Variants in CHD5 observed in about 807,000 individuals in gnomAD.
The protein encoded by CHD5 is chromodomain helicase DNA binding protein 5.
A neutral mutation model predicts 230.3 loss-of-function variants in CHD5; 69 were observed. The observed-to-expected ratio is 0.30, with a 90% CI of 0.25 to 0.37. The LOEUF (loss-of-function observed/expected upper bound fraction) is 0.37. Ranked by LOEUF, CHD5 falls within the 10% of genes least tolerant of loss-of-function variation. CHD5 has a pLI of 1.00. For synonymous variants in CHD5, 1,064 were observed against 1,065.9 expected, an observed-to-expected ratio of 1.00 and a Z score of 0.03; for missense variants, 1,827 against 2,622.8, an observed-to-expected ratio of 0.70 and a Z score of 6.63.
chr1:6,148,816 G>GGGCGGGGATCGGCTACCGA, intron 9 of CHD5, 38 bp downstream of exon 9: 1 of 1,464,784 alleles, frequency 6.8e-7, no homozygotes, highest in Non-Finnish European at 9.1e-7. Context: ...TCCTGGGGTG[G>GGGCGGGGATCGGCTACCGA]GGCGGGGCGT....
intron 35 of CHD5, 69 bp from the exon 36 acceptor site, chr1:6,111,952 G>C: frequency 1.4e-6 from 2 of 1,479,536 alleles, no homozygotes; most frequent in Non-Finnish European, 1.9e-6. Context: ...GGCTTGGAGA[G>C]CCGCTCCCTC....
chr1:6,169,405 C>G (rs115269851), intron 1 of CHD5, among the ~76,000 whole-genome samples: 2 of 152,218 alleles, frequency 1.3e-5, no homozygotes, highest in Non-Finnish European at 2.9e-5. Flanking sequence ...CGGGCAGGCT[C>G]GGGAAGGGAG....
rs572877670 is a variant in CHD5, at chr1:6,174,392, T to C, written c.79+5553A>G. On this transcript the variant is annotated intron_variant, in intron 1 of 41. Coordinates refer to ENST00000262450, the MANE Select transcript of CHD5 (RefSeq NM_015557.3). The stretch of plus-strand genomic sequence containing the variant: ...GGTGGACGGATAATTGTATAGTGAA[T>C]GGATGGATGGTGGATAGGTGGATGG... Among the ~76,000 whole-genome samples, 9 of 152,316 alleles carry C rather than the reference T, an allele frequency of 5.9e-5. No individual in the cohort carries two copies. The East Asian group carries it at 1.5e-3, about 26-fold the overall frequency.
At position 6,128,001 on chromosome 1, in the gene CHD5, G is replaced by GATGGAGGGCGGGGCTGCGT; in HGVS notation, c.3903+44_3903+45insACGCAGCCCCGCCCTCCAT. Reference sequence around the variant, plus strand: ...GGACACAGTGGGGGGCGGGGCTGCGGATGGAGGGCGGGGCTGCGGATGGAG... The same window carrying GATGGAGGGCGGGGCTGCGT: ...GGACACAGTGGGGGGCGGGGCTGCGGATGGAGGGCGGGGCTGCGTATGGAGGGCGGGGCTGCGGATGGAG... On this transcript the variant is annotated intron_variant, in intron 25 of 41. Transcript: ENST00000262450. This position sits in a 1 kb window ranked among gnomAD's most constrained non-coding sequence, Gnocchi z 7.8. The GATGGAGGGCGGGGCTGCGT allele has an allele frequency of 1.4e-6, 2 of 1,469,068 alleles. No homozygotes were observed. The highest frequency in any genetic ancestry group is 1.8e-6 in the Non-Finnish European group (2 of 1,091,608). The allele number at this position is 1,469,068 out of a possible 1,614,324, so 91.0% of individuals were successfully genotyped here.
Position 6,106,294 on chromosome 1 carries a change from A to G in CHD5, c.5858-7T>C. ...CTCGAGGACGGCTAGATATCTGTCA[A>G]AAAAAGAGGAGAGCCGGGCTTGCCT... On this transcript the variant is annotated splice_polypyrimidine_tract_variant and splice_region_variant and intron_variant, in intron 40 of 41. Coordinates refer to ENST00000262450, the MANE Select transcript of CHD5 (RefSeq NM_015557.3). 6.2e-7 allele frequency: 1 copy of G among 1,612,800 alleles called. No homozygotes were observed. Among genetic ancestry groups the G allele is most frequent in the East Asian group, 2.2e-5 (1 of 44,878 alleles).
intron 31 of CHD5, among the ~76,000 whole-genome samples, chr1:6,122,399 T>C (rs1666486030): frequency 6.6e-6 from 1 of 152,182 alleles, no homozygotes; most frequent in East Asian, 1.9e-4. Context: ...ACATTCAGCG[T>C]CCTTGGCATC....
chr1:6,179,644 G>T (rs1304063701), intron 1 of CHD5, among the ~76,000 whole-genome samples: 2 of 149,604 alleles, frequency 1.3e-5, no homozygotes, highest in Non-Finnish European at 3.0e-5. Flanking sequence ...TGACAGCGCC[G>T]CGCCCCCCAG....
Position 6,111,920 on chromosome 1 carries a change from C to T in CHD5, c.5141-37G>A, listed in dbSNP as rs765887965. Reference sequence around the variant, plus strand: ...GCCAAGGTGAGCAGGGTGAGAAGTGCCCCAGCTCTCACGCACAGGCAGGCT... The same window carrying T: ...GCCAAGGTGAGCAGGGTGAGAAGTGTCCCAGCTCTCACGCACAGGCAGGCT... On this transcript the variant is annotated intron_variant, in intron 35 of 41. Coordinates refer to ENST00000262450, the MANE Select transcript of CHD5 (RefSeq NM_015557.3). 70 of 1,573,870 alleles carry T rather than the reference C, an allele frequency of 4.4e-5. No homozygotes were observed. In the East Asian group the frequency reaches 4.9e-4, roughly 11 times the overall value.
intron 33 of CHD5, among the ~76,000 whole-genome samples, chr1:6,119,600 C>G (rs1457422955): frequency 6.6e-6 from 1 of 152,002 alleles, no homozygotes; most frequent in Non-Finnish European, 1.5e-5. Flanking sequence ...TAACACAAGT[C>G]TCTCAGAAAC....
rs1250073123 is a variant in CHD5 at position 6,126,734 on chromosome 1, G to A, written c.3916C>T (p.Arg1306Trp). 6.2e-6 allele frequency: 10 copies of A among 1,613,182 alleles called. No homozygotes were observed. Among genetic ancestry groups the A allele is most frequent in the South Asian group, 2.2e-5 (2 of 91,064 alleles). The change falls in exon 26 of 42, where the codon CGG becomes TGG. Residue 1306 changes from arginine (R) to tryptophan (W), a missense_variant. Arg to Trp is a moderately radical substitution (Grantham distance 101). This residue lies in a region of CHD5 where 137 missense variants were observed against 272.7 expected (regional missense o/e 0.50). Transcript: ENST00000262450. This position sits in a 1 kb window ranked among gnomAD's most constrained non-coding sequence, Gnocchi z 5.7. ...REEDGVEEVE[R>W]EIIKQEENVD... ...TTCTCCTCCTGCTTGATGATTTCCC[G>A]CTCCACCTCCTCCTGGGGACGCAGC...
At position 6,151,965 on chromosome 1, in the gene CHD5, C is replaced by T. The variant is rs142357181; in HGVS notation, c.870+447G>A. Among the ~76,000 whole-genome samples, 629 of 152,300 alleles carry T rather than the reference C, an allele frequency of 4.1e-3. 3 individuals are homozygous for T. The highest frequency in any genetic ancestry group is 0.015 in the African/African-American group (604 of 41,558). On this transcript the variant is annotated intron_variant, in intron 6 of 41. Transcript: ENST00000262450. The stretch of plus-strand genomic sequence containing the variant: ...AGGACAGGAGGAGGTAACTGGGGCT[C>T]CAGCCAGCCTGATCCTACCCACATA...
chr1:6,140,982 T>TAATAATAATAATAAC (rs1666818324), intron 15 of CHD5, among the ~76,000 whole-genome samples: 1 of 146,108 alleles, frequency 6.8e-6, no homozygotes, highest in Admixed American at 6.8e-5. Flanking sequence ...ATAATAATAA[T>TAATAATAATAATAAC]AATAATAATA....
rs748447607 is a variant in CHD5 at position 6,136,776 on chromosome 1, G to A, written c.2526C>T (p.Ala842=). The part of the protein sequence containing the change: ...DQAILGSIEW[A]CLVVDEAHRL... ...GGTGGGCCTCATCTACCACCAGGCA[G>A]GCCCACTCGATGGAGCCCAGGATGG... Residue 842 remains alanine (A), a synonymous_variant, in exon 16 of 42, where the codon GCC becomes GCT. Transcript: ENST00000262450. The A allele has an allele frequency of 1.9e-6, 3 of 1,613,836 alleles. No individual in the cohort carries two copies. Among genetic ancestry groups the A allele is most frequent in the East Asian group, 4.5e-5 (2 of 44,856 alleles).
At chr1:6,108,872 C>T (rs1254380306) in intron 38 of CHD5, among the ~76,000 whole-genome samples, 4 of 118,068 alleles carry the variant, frequency 3.4e-5, no homozygotes, top group Admixed American at 8.3e-5. Context: ...GGTGGAAGGA[C>T]GGAGGCATGG....
Position 6,105,426 on chromosome 1 carries a change from G to A in CHD5, c.*48C>T, listed in dbSNP as rs994703201. 1.5e-5 allele frequency: 7 copies of A among 470,502 alleles called. No individual in the cohort carries two copies. In the East Asian group the frequency reaches 4.9e-4, roughly 33 times the overall value. The allele number at this position is 470,502 out of a possible 1,614,324, so 29.1% of individuals were successfully genotyped here. A position where few individuals can be genotyped will look rare whatever the true frequency, so the allele number is the denominator to read the frequency against. Reference sequence around the variant, plus strand: ...GTCGGGCAGGTGGCCCGGCAGGCGTGGCTGCAAAACGCAAATCAGTGGGTT... The same window carrying A: ...GTCGGGCAGGTGGCCCGGCAGGCGTAGCTGCAAAACGCAAATCAGTGGGTT... On this transcript the variant is annotated splice_region_variant and 3_prime_UTR_variant, in exon 42 of 42. Coordinates refer to ENST00000262450, the MANE Select transcript of CHD5 (RefSeq NM_015557.3). This position sits in a 1 kb window ranked among gnomAD's most constrained non-coding sequence, Gnocchi z 4.8.
At chr1:6,123,615 A>G (rs2100841406) in intron 31 of CHD5, among the ~76,000 whole-genome samples, 1 of 152,098 alleles carries the variant, frequency 6.6e-6, no homozygotes, top group East Asian at 1.9e-4. Flanking sequence ...TTTAGTAGAG[A>G]CGGGGTTTCA....
chr1:6,147,185 G>A (rs1666925381), intron 9 of CHD5, among the ~76,000 whole-genome samples: 1 of 152,224 alleles, frequency 6.6e-6, no homozygotes, highest in Admixed American at 6.5e-5. Flanking sequence ...GGAAACTGAG[G>A]CCCACTCGGC....
At chr1:6,110,035 G>A in intron 37 of CHD5, 45 bp from the exon 38 acceptor site, 1 of 1,450,466 alleles carries the variant, frequency 6.9e-7, no homozygotes, top group Non-Finnish European at 9.1e-7. Context: ...CCGCTGAATG[G>A]CTACCCTCCG....
chr1:6,175,680 AAATGGATG>A (rs1667414892), intron 1 of CHD5, among the ~76,000 whole-genome samples: 1 of 143,236 alleles, frequency 7.0e-6, no homozygotes, highest in East Asian at 2.2e-4. Flanking sequence ...GAACAAGAAC[AAATGGATG>A]GATGGATGGA....
Sources: gnomAD v4.1 joint callset for allele counts (sites outside exome capture counted in the v4.1 genomes callset) on GRCh38, gnomAD v4.1.1 for gene constraint, gnomAD v4.1.1 regional missense constraint, Gnocchi (gnomAD v3.1) non-coding constraint, MANE v1.5 for transcripts, NCBI Gene and HGNC (gene_info 2026-07-23, HGNC 2026-07-21) for gene names.